The following USB1 variants were observed in gnomAD, a reference collection of about 807,000 sequenced individuals.
The protein encoded by USB1 is U6 snRNA phosphodiesterase 1.
In USB1, 21 loss-of-function variants were observed where a neutral mutation model predicts 29.9. The ratio of observed to expected loss-of-function variants is 0.70; its 90% CI spans 0.50 to 1.01. USB1 has a LOEUF of 1.01. Ranked by LOEUF, USB1 falls within the 50% of genes least tolerant of loss-of-function variation. The pLI is 0.00. For synonymous variants in USB1, 143 were observed against 134.9 expected (o/e 1.06, Z -0.42); for missense variants, 330 against 347.1 (o/e 0.95, Z 0.39).
intron 3 of USB1, 33 bp downstream of exon 3, chr16:58,010,145 C>T (rs1482065854): frequency 2.5e-6 from 4 of 1,612,920 alleles, no homozygotes; most frequent in East Asian, 2.2e-5. Context: ...TCTCCACTCC[C>T]TCCCCTCCAT....
intron 4 of USB1, chr16:58,014,971 G>A (rs889884806): frequency 2.6e-5 from 4 of 153,996 alleles, no homozygotes; most frequent in Middle Eastern, 3.4e-3. Flanking sequence ...CCAGCTACTC[G>A]AGAGGCTGAG....
chr16:58,011,195 G>A, intron 3 of USB1: 1 of 1,520,588 alleles, frequency 6.6e-7, no homozygotes, highest in Non-Finnish European at 8.8e-7. Context: ...GGATCTCTGT[G>A]TCAGGAACTG....
At chr16:58,004,998 C>T (rs948761285) in intron 2 of USB1, among the ~76,000 whole-genome samples, 3 of 152,200 alleles carry the variant, frequency 2.0e-5, no homozygotes, top group African/African-American at 2.4e-5. Context: ...ACGTGAGTCA[C>T]GCCACTTGGA....
At chr16:58,011,061 CCT>C (rs1318276824) in intron 3 of USB1, 1 of 796,936 alleles carries the variant, frequency 1.3e-6, no homozygotes, top group Non-Finnish European at 2.1e-6. Context: ...CAAAGATGCC[CCT>C]GTCACCCAGG....
intron 2 of USB1, among the ~76,000 whole-genome samples, chr16:58,007,294 C>T (rs1567418662): frequency 6.6e-6 from 1 of 152,144 alleles, no homozygotes; most frequent in Non-Finnish European, 1.5e-5. Flanking sequence ...TTAATTTTTT[C>T]CTTAAATGTT....
At chr16:58,017,472 C>T in intron 5 of USB1, 33 bp downstream of exon 5, 1 of 1,573,904 alleles carries the variant, frequency 6.4e-7, no homozygotes, top group South Asian at 1.1e-5. Flanking sequence ...CTCCATTGAC[C>T]CATTTCTAAT....
chr16:58,010,092 C>A lies in USB1; in HGVS notation c.429C>A (p.Ala143=), dbSNP rs950203618. The change falls in exon 3 of 7, where the codon GCC becomes GCA. Residue 143 remains alanine (A), a synonymous_variant. Coordinates refer to ENST00000219281, the MANE Select transcript of USB1 (RefSeq NM_024598.4). ...WILPFVQALK[A]RMTSFHRFFF... ...TCCCCTTCGTGCAGGCTCTGAAAGC[C>A]CGTATGACCTCCTTCCACAGGTGAG... 20 of 1,614,100 alleles carry A rather than the reference C, an allele frequency of 1.2e-5. No homozygotes were observed. The highest frequency in any genetic ancestry group is 1.7e-5 in the Non-Finnish European group (20 of 1,180,008).
intron 2 of USB1, among the ~76,000 whole-genome samples, chr16:58,005,232 G>A (rs547598007): frequency 3.3e-5 from 5 of 152,254 alleles, no homozygotes; most frequent in South Asian, 2.1e-4. Flanking sequence ...AGATAACTGC[G>A]GGCGGGCCTA....
intron 4 of USB1, among the ~76,000 whole-genome samples, chr16:58,014,814 C>G (rs1460054163): frequency 2.0e-5 from 3 of 151,720 alleles, no homozygotes; most frequent in Non-Finnish European, 4.4e-5. Flanking sequence ...CGGTGGCTCA[C>G]GCTTGTAATC....
Position 58,013,107 on chromosome 16 carries a change from C to T in USB1, c.450-1166C>T, listed in dbSNP as rs1050421765. Reference sequence around the variant, plus strand: ...CTAAGGTGACCAAGAGTGGGCGGTGCACCCCTGATTCTGTTGCTGTGACTG... The same window carrying T: ...CTAAGGTGACCAAGAGTGGGCGGTGTACCCCTGATTCTGTTGCTGTGACTG... On this transcript the variant is annotated intron_variant, in intron 3 of 6. Transcript: ENST00000219281. The surrounding 1 kb of genome is among the most constrained non-coding windows in gnomAD (Gnocchi z 4.3). The T allele has an allele frequency of 1.5e-5, 15 of 985,578 alleles. No individual in the cohort carries two copies. Among genetic ancestry groups the T allele is most frequent in the South Asian group, 1.4e-4 (3 of 21,296 alleles). 61.1% of individuals were successfully genotyped at this position (985,578 alleles called of 1,614,324 possible). A position where few individuals can be genotyped will look rare whatever the true frequency, so the allele number is the denominator to read the frequency against.
At chr16:58,014,424 G>A in intron 4 of USB1, 98 bp downstream of exon 4, 2 of 1,084,976 alleles carry the variant, frequency 1.8e-6, no homozygotes, top group Non-Finnish European at 2.8e-6. Context: ...TTTTTTGTTT[G>A]CTTTTAACCA....
upstream of USB1, chr16:58,001,298 A>T: frequency 1.4e-6 from 1 of 701,848 alleles, no homozygotes; most frequent in Admixed American, 2.4e-5. Flanking sequence ...CGCAGCCGGC[A>T]GACAGCTTGG....
At position 58,020,032 on chromosome 16, in the gene USB1, C is replaced by T. The variant is rs1597056586; in HGVS notation, c.694-109C>T. ...CAATGCAGAGCCTGGAGCCTGCAGCCTCAGCCTCGCCCAGCCTCTGAAGTT... is the reference window on the plus strand; with the variant it reads ...CAATGCAGAGCCTGGAGCCTGCAGCTTCAGCCTCGCCCAGCCTCTGAAGTT... On this transcript the variant is annotated intron_variant, in intron 6 of 6. Transcript: ENST00000219281. The T allele has an allele frequency of 6.0e-6, 6 of 1,002,342 alleles. No individual in the cohort carries two copies. In the East Asian group the frequency reaches 1.0e-4, roughly 17 times the overall value. 62.1% of individuals were successfully genotyped at this position (1,002,342 alleles called of 1,614,324 possible). A position where few individuals can be genotyped will look rare whatever the true frequency, so the allele number is the denominator to read the frequency against.
At chr16:58,010,198 C>T in intron 3 of USB1, 86 bp downstream of exon 3, 1 of 1,521,206 alleles carries the variant, frequency 6.6e-7, no homozygotes, top group Non-Finnish European at 9.0e-7. Context: ...ATTACCCCAG[C>T]AGGCAGGCAG....
At chr16:58,002,232 GTGACCCC>G (rs1406795153) in intron 1 of USB1, among the ~76,000 whole-genome samples, 9 of 152,206 alleles carry the variant, frequency 5.9e-5, no homozygotes, top group Non-Finnish European at 1.0e-4. Flanking sequence ...GCTTGGAAAT[GTGACCCC>G]TGAACCACAT....
rs536703103 is a variant in USB1, at chr16:58,020,082, G to T, written c.694-59G>T. On this transcript the variant is annotated intron_variant, in intron 6 of 6. Coordinates refer to ENST00000219281, the MANE Select transcript of USB1 (RefSeq NM_024598.4). ...TGGGTGAGCTGGTTTTGTTTGCAGT[G>T]CCCTGTGGGTCCCAGATGCCCCTTA... 300 of 1,561,934 alleles carry T rather than the reference G, an allele frequency of 1.9e-4. No homozygotes were observed. In the African/African-American group the frequency reaches 3.8e-3, roughly 20 times the overall value.
At chr16:58,017,547 C>CGT in intron 5 of USB1, 108 bp downstream of exon 5, 1 of 991,346 alleles carries the variant, frequency 1.0e-6, no homozygotes, top group South Asian at 1.4e-5. Context: ...CAGAACCTCC[C>CGT]GTGTCGGTGC....
At chr16:58,006,584 G>A (rs184798362) in intron 2 of USB1, among the ~76,000 whole-genome samples, 13 of 152,036 alleles carry the variant, frequency 8.6e-5, no homozygotes, top group Admixed American at 2.0e-4. Context: ...GCTTGAACCC[G>A]GGAGGTGGAG....
At chr16:58,004,321 C>T (rs960161195) in intron 2 of USB1, among the ~76,000 whole-genome samples, 7 of 152,144 alleles carry the variant, frequency 4.6e-5, no homozygotes, top group African/African-American at 1.7e-4. Context: ...TCACCAATAC[C>T]ATTGGTGAAC....
Sources: gnomAD v4.1 joint callset for allele counts (sites outside exome capture counted in the v4.1 genomes callset) on GRCh38, gnomAD v4.1.1 for gene constraint, Gnocchi (gnomAD v3.1) non-coding constraint, MANE v1.5 for transcripts, NCBI Gene and HGNC (gene_info 2026-07-23, HGNC 2026-07-21) for gene names.